The following IL16 variants were observed in gnomAD, a reference collection of about 807,000 sequenced individuals.
IL16 encodes the protein pro-interleukin-16.
In IL16, 67 loss-of-function variants were observed where a neutral mutation model predicts 110.1. The observed-to-expected ratio is 0.61, with a 90% CI of 0.50 to 0.75. The LOEUF (loss-of-function observed/expected upper bound fraction) is 0.75. Among genes scored for constraint, IL16 ranks in the 30% least tolerant of loss-of-function variants. IL16 has a pLI of 0.00. For missense variants in IL16, 1,545 were observed against 1,655.0 expected (o/e 0.93, Z 1.15); for synonymous variants, 689 against 662.9 (o/e 1.04, Z -0.61).
At chr15:81,241,769 C>T (rs902654608) in intron 2 of IL16, among the ~76,000 whole-genome samples, 1 of 151,952 alleles carries the variant, frequency 6.6e-6, no homozygotes, top group Non-Finnish European at 1.5e-5. Context: ...GTTGATGCAG[C>T]CAGTATATAG....
At chr15:81,263,084 T>A (rs1898221359) in intron 3 of IL16, among the ~76,000 whole-genome samples, 1 of 151,148 alleles carries the variant, frequency 6.6e-6, no homozygotes, top group Non-Finnish European at 1.5e-5. Context: ...TTTATTTAAT[T>A]ATTGTCTCTA....
At chr15:81,220,352 ACCAGGCTGC>A (rs556943630) in intron 1 of IL16, among the ~76,000 whole-genome samples, 1 of 152,036 alleles carries the variant, frequency 6.6e-6, no homozygotes, top group Non-Finnish European at 1.5e-5. Context: ...ACAGGGTTTC[ACCAGGCTGC>A]CCAGGCTGCC....
At chr15:81,265,863 A>G in intron 4 of IL16, 62 bp downstream of exon 4, 1 of 1,499,004 alleles carries the variant, frequency 6.7e-7, no homozygotes, top group Non-Finnish European at 9.0e-7. Context: ...GAGGGGCCCA[A>G]CATTAACAGT....
chr15:81,186,212 A>G (rs574366691), intron 1 of IL16, among the ~76,000 whole-genome samples: 1 of 152,368 alleles, frequency 6.6e-6, no homozygotes, highest in South Asian at 2.1e-4. Flanking sequence ...ATCAACCTGC[A>G]TGAGCACTGA....
At position 81,300,457 on chromosome 15, in the gene IL16, A is replaced by G; in HGVS notation, c.3131A>G (p.Asp1044Gly). The G allele has an allele frequency of 1.9e-6, 3 of 1,612,908 alleles. No individual in the cohort carries two copies. The highest frequency in any genetic ancestry group is 2.5e-6 in the Non-Finnish European group (3 of 1,179,002). ...GGTTCTGCTGAAACATCTGCCTTGG[A>G]CACAGGGTTCTCGCTCAAGTGAGTT... is the stretch of plus-strand genomic sequence containing the variant. ...ANGSAETSAL[D>G]TGFSLNLSEL... is the part of the protein sequence containing the mutation. Residue 1044 changes from aspartate (D) to glycine (G), a missense_variant, in exon 14 of 19, where the codon GAC (aspartate) becomes GGC (glycine). By Grantham distance (94) the Asp-to-Gly change is moderately conservative. This residue lies in a region of IL16 where 356 missense variants were observed against 399.3 expected (regional missense o/e 0.89). Transcript: ENST00000683961.
In IL16 at chr15:81,282,720, C is replaced by G. The variant is rs1014881640; in HGVS notation, c.1163C>G (p.Ser388Ter). 1 of 1,614,170 alleles carries G rather than the reference C, an allele frequency of 6.2e-7. No homozygotes were observed. The highest frequency in any genetic ancestry group is 1.7e-5 in the Admixed American group (1 of 60,034). Residue 388 changes from serine to a stop codon, truncating the protein, a stop_gained, in exon 9 of 19, where the codon TCA becomes TGA. Coordinates refer to ENST00000683961, the MANE Select transcript of IL16 (RefSeq NM_172217.5). LOFTEE classifies it high-confidence loss of function. Reference protein sequence around the residue: ...CISGIFVHTLSPGSVAHLDGR... With the variant: ...CISGIFVHTL Reference sequence around the variant, plus strand: ...TCTGGCATTTTCGTCCACACGCTGTCACCAGGATCCGTGGCGCACCTGGAC... The same window carrying G: ...TCTGGCATTTTCGTCCACACGCTGTGACCAGGATCCGTGGCGCACCTGGAC...
intron 2 of IL16, among the ~76,000 whole-genome samples, chr15:81,237,053 G>A (rs1897200181): frequency 1.3e-5 from 2 of 152,288 alleles, no homozygotes; most frequent in South Asian, 2.1e-4. Flanking sequence ...TACAACCCAT[G>A]TAGGCTTCTC....
chr15:81,197,045 G>A lies in IL16; in HGVS notation c.-209G>A, dbSNP rs1035755546. ...GCTCTGACCCAGGCCTGGGCCACAGGCTGTCCGGGAATAAGTGGTGCTGCA... is the reference window on the plus strand; with the variant it reads ...GCTCTGACCCAGGCCTGGGCCACAGACTGTCCGGGAATAAGTGGTGCTGCA... On this transcript the variant is annotated 5_prime_UTR_variant, in exon 1 of 19. Coordinates refer to ENST00000683961, the MANE Select transcript of IL16 (RefSeq NM_172217.5). The A allele has an allele frequency of 1.2e-5, 16 of 1,288,608 alleles. No homozygotes were observed. Among genetic ancestry groups the A allele is most frequent in the Non-Finnish European group, 1.5e-5 (15 of 988,526 alleles). The allele number at this position is 1,288,608 out of a possible 1,614,324, so 79.8% of individuals were successfully genotyped here.
At chr15:81,272,329 G>A (rs1027821819) in intron 5 of IL16, among the ~76,000 whole-genome samples, 1 of 152,176 alleles carries the variant, frequency 6.6e-6, no homozygotes, top group Admixed American at 6.5e-5. Context: ...GGGAAGCTGT[G>A]CCCACCCTCC....
Position 81,278,806 on chromosome 15 carries a change from T to A in IL16, c.791-11T>A, listed in dbSNP as rs1316417873. 6.3e-7 allele frequency: 1 copy of A among 1,585,142 alleles called. No homozygotes were observed. The highest frequency in any genetic ancestry group is 1.7e-5 in the Admixed American group (1 of 59,974). Reference sequence around the variant, plus strand: ...ACACTCTTCTTAGCTACACTTTCTCTCTCTAAACAGGTGATGAAATTCTGG... The same window carrying A: ...ACACTCTTCTTAGCTACACTTTCTCACTCTAAACAGGTGATGAAATTCTGG... On this transcript the variant is annotated splice_polypyrimidine_tract_variant and intron_variant, in intron 6 of 18. Transcript: ENST00000683961.
chr15:81,212,444 TAATTTTTAAA>T (rs1200861706), intron 1 of IL16, among the ~76,000 whole-genome samples: 2 of 152,218 alleles, frequency 1.3e-5, no homozygotes, highest in African/African-American at 2.4e-5. Context: ...AGATTTTTTT[TAATTTTTAAA>T]AATTTTTAAA....
chr15:81,191,415 C>G (rs1411936789), intron 1 of IL16, among the ~76,000 whole-genome samples: 1 of 152,212 alleles, frequency 6.6e-6, no homozygotes, highest in Non-Finnish European at 1.5e-5. Flanking sequence ...TGTAGAAACT[C>G]ATTACATGGC....
chr15:81,275,369 GGGGAGGGGA>G, intron 6 of IL16, among the ~76,000 whole-genome samples: 1 of 46,648 alleles, frequency 2.1e-5, no homozygotes, highest in Non-Finnish European at 4.1e-5. Flanking sequence ...AGGGGGGGGA[GGGGAGGGGA>G]GGGGAGGGGA....
At chr15:81,184,748 T>G (rs1895394161) in intron 1 of IL16, among the ~76,000 whole-genome samples, 1 of 152,224 alleles carries the variant, frequency 6.6e-6, no homozygotes, top group Admixed American at 6.5e-5. Flanking sequence ...ACCTGTCCAG[T>G]TAAATCCTTG....
chr15:81,186,858 A>C (rs1219183732), intron 1 of IL16, among the ~76,000 whole-genome samples: 1 of 151,638 alleles, frequency 6.6e-6, no homozygotes, highest in Admixed American at 6.6e-5. Flanking sequence ...AAGTCTTACT[A>C]TGTTGCCCAG....
intron 2 of IL16, among the ~76,000 whole-genome samples, chr15:81,231,841 G>A (rs993805558): frequency 1.3e-5 from 2 of 151,952 alleles, no homozygotes; most frequent in African/African-American, 4.8e-5. Flanking sequence ...ACCATTTTTT[G>A]GAAATCCTGT....
At chr15:81,196,668 G>C (rs1375706267), upstream of IL16, among the ~76,000 whole-genome samples, 4 of 152,196 alleles carry the variant, frequency 2.6e-5, no homozygotes, top group Non-Finnish European at 4.4e-5. Flanking sequence ...AGGGGCAACT[G>C]GGCTGGACCA....
intron 8 of IL16, among the ~76,000 whole-genome samples, chr15:81,282,035 A>C (rs886622056): frequency 1.3e-5 from 2 of 152,138 alleles, no homozygotes; most frequent in African/African-American, 4.8e-5. Context: ...TAGAGAATAA[A>C]CCCGTTCACT....
intron 1 of IL16, among the ~76,000 whole-genome samples, chr15:81,190,487 T>C (rs1342624956): frequency 6.6e-6 from 1 of 152,256 alleles, no homozygotes; most frequent in Non-Finnish European, 1.5e-5. Context: ...ATCCTGGCTC[T>C]GTACTTTGGG....
Sources: gnomAD v4.1 joint callset for allele counts (sites outside exome capture counted in the v4.1 genomes callset) on GRCh38, gnomAD v4.1.1 for gene constraint, gnomAD v4.1.1 regional missense constraint, MANE v1.5 for transcripts, NCBI Gene and HGNC (gene_info 2026-07-23, HGNC 2026-07-21) for gene names.